Variants in SGMS1 observed in about 807,000 individuals in gnomAD.
SGMS1 encodes the protein phosphatidylcholine:ceramide cholinephosphotransferase 1.
Under a neutral mutation model 46.2 loss-of-function variants are expected in SGMS1, and 13 were observed. That is an observed-to-expected ratio of 0.28 (90% CI 0.18 to 0.45). SGMS1 has a LOEUF of 0.45. SGMS1 is among the 20% of genes least tolerant of loss of function. The pLI, the probability that SGMS1 is intolerant of heterozygous loss-of-function variation, is 1.00. For synonymous variants in SGMS1, 203 were observed against 187.8 expected, an observed-to-expected ratio of 1.08 and a Z score of -0.66; for missense variants, 324 against 519.9, an observed-to-expected ratio of 0.62 and a Z score of 3.66.
upstream of SGMS1, chr10:50,624,041 G>T: frequency 1.0e-6 from 1 of 985,508 alleles, no homozygotes; most frequent in Non-Finnish European, 1.2e-6. Context: ...ACTGCGGCCG[G>T]GGGGGCGGGC....
upstream of SGMS1, chr10:50,624,800 G>A: frequency 6.1e-6 from 6 of 986,270 alleles, no homozygotes; most frequent in Non-Finnish European, 7.2e-6. Flanking sequence ...CCCGATGCCC[G>A]CCGTCCCTGG....
chr10:50,402,496 G>A (rs1226469297), intron 6 of SGMS1, among the ~76,000 whole-genome samples: 1 of 152,134 alleles, frequency 6.6e-6, no homozygotes, highest in African/African-American at 2.4e-5. Context: ...AACATTACAT[G>A]CCAAGCCAAG....
intron 5 of SGMS1, among the ~76,000 whole-genome samples, chr10:50,446,543 A>G (rs907245782): frequency 1.3e-5 from 2 of 152,362 alleles, no homozygotes; most frequent in Non-Finnish European, 1.5e-5. Flanking sequence ...AATGTCTATC[A>G]ATAGGTGAAT....
At chr10:50,353,967 C>T (rs902299060) in intron 6 of SGMS1, among the ~76,000 whole-genome samples, 6 of 152,266 alleles carry the variant, frequency 3.9e-5, no homozygotes, top group African/African-American at 1.4e-4. Context: ...AAGAACATTC[C>T]ATGCTCATGG....
chr10:50,364,704 C>G (rs1250789704), intron 6 of SGMS1, among the ~76,000 whole-genome samples: 1 of 152,136 alleles, frequency 6.6e-6, no homozygotes, highest in East Asian at 1.9e-4. Context: ...GTAAAATAAT[C>G]GTTCCCTCCA....
intron 3 of SGMS1, among the ~76,000 whole-genome samples, chr10:50,468,276 A>G (rs1029016515): frequency 6.6e-6 from 1 of 152,206 alleles, no homozygotes; most frequent in African/African-American, 2.4e-5. Flanking sequence ...GCTTGAATGC[A>G]GGGCTAGATT....
At chr10:50,516,164 A>G (rs1292018489) in intron 3 of SGMS1, among the ~76,000 whole-genome samples, 1 of 152,222 alleles carries the variant, frequency 6.6e-6, no homozygotes, top group Non-Finnish European at 1.5e-5. Context: ...TAATAATTAA[A>G]AAAAAACTGT....
At chr10:50,600,883 G>A (rs1442236201) in intron 1 of SGMS1, among the ~76,000 whole-genome samples, 1 of 152,180 alleles carries the variant, frequency 6.6e-6, no homozygotes, top group Admixed American at 6.5e-5. Flanking sequence ...CAAATCAGAG[G>A]AGAGAAGCAG....
chr10:50,617,479 C>A (rs1240965848), intron 1 of SGMS1, among the ~76,000 whole-genome samples: 1 of 152,226 alleles, frequency 6.6e-6, no homozygotes. Context: ...TGTATCTTCA[C>A]TGTGATGGTT....
At chr10:50,359,106 A>G (rs1410817885) in intron 6 of SGMS1, among the ~76,000 whole-genome samples, 1 of 152,172 alleles carries the variant, frequency 6.6e-6, no homozygotes, top group Non-Finnish European at 1.5e-5. Flanking sequence ...GGCCCCTTGA[A>G]CTAAGTAAGT....
At chr10:50,580,942 TA>T (rs1564436906) in intron 2 of SGMS1, among the ~76,000 whole-genome samples, 1 of 152,124 alleles carries the variant, frequency 6.6e-6, no homozygotes, top group Non-Finnish European at 1.5e-5. Context: ...ATATGTTTTA[TA>T]AAAAAGAATC....
chr10:50,527,063 C>CA (rs573386594), intron 2 of SGMS1, among the ~76,000 whole-genome samples: 3,171 of 90,434 alleles, frequency 0.035, 174 homozygotes, highest in African/African-American at 0.087. Context: ...GACTCTGTCT[C>CA]AAAAAAAAAA....
intron 6 of SGMS1, among the ~76,000 whole-genome samples, chr10:50,393,479 T>G (rs996851567): frequency 3.3e-5 from 5 of 152,200 alleles, no homozygotes; most frequent in African/African-American, 1.2e-4. Context: ...AGCTTTACTC[T>G]GTATTTTCTC....
chr10:50,583,679 G>A (rs2131880463), intron 2 of SGMS1, among the ~76,000 whole-genome samples: 1 of 152,334 alleles, frequency 6.6e-6, no homozygotes, highest in South Asian at 2.1e-4. Flanking sequence ...CCTGAAGGCA[G>A]ATCCAGTCCT....
chr10:50,617,030 C>A (rs913569984), intron 1 of SGMS1, among the ~76,000 whole-genome samples: 2 of 152,024 alleles, frequency 1.3e-5, no homozygotes, highest in Non-Finnish European at 2.9e-5. Flanking sequence ...AGTAGGGGCT[C>A]ATTCTGCCAT....
chr10:50,313,489 T>G (rs1297004517), intron 8 of SGMS1, among the ~76,000 whole-genome samples: 2 of 148,056 alleles, frequency 1.4e-5, no homozygotes, highest in Non-Finnish European at 2.9e-5. Context: ...GAGACTACTG[T>G]TTTTTCACAT....
chr10:50,371,339 C>G (rs967853266), intron 6 of SGMS1, among the ~76,000 whole-genome samples: 1 of 152,120 alleles, frequency 6.6e-6, no homozygotes, highest in Non-Finnish European at 1.5e-5. Flanking sequence ...GAATTACTGC[C>G]AAAGCTTCCT....
At chr10:50,385,046 T>C (rs1313339749) in intron 6 of SGMS1, among the ~76,000 whole-genome samples, 2 of 152,216 alleles carry the variant, frequency 1.3e-5, no homozygotes, top group African/African-American at 4.8e-5. Flanking sequence ...TTCATGACCC[T>C]GACAGTTGAA....
chr10:50,511,246 C>CAT (rs1480947979), intron 3 of SGMS1, among the ~76,000 whole-genome samples: 1 of 115,104 alleles, frequency 8.7e-6, no homozygotes, highest in Non-Finnish European at 1.8e-5. Flanking sequence ...TTCACTCATT[C>CAT]ATACACACAC....
Sources: allele counts gnomAD v4.1 joint callset (sites outside exome capture counted in the v4.1 genomes callset), GRCh38; gene constraint gnomAD v4.1.1; transcripts MANE v1.5; gene names NCBI Gene and HGNC (gene_info 2026-07-23, HGNC 2026-07-21).